TIMM23: variants seen among roughly 807,000 people sequenced by gnomAD.
TIMM23 encodes translocase of inner mitochondrial membrane 23.
TIMM23 carries 19 observed loss-of-function variants against 30.7 expected under a neutral mutation model. That is an observed-to-expected ratio of 0.62 (90% CI 0.43 to 0.91). TIMM23 has a LOEUF of 0.91. TIMM23 is among the 40% of genes least tolerant of loss of function. TIMM23 has a pLI of 0.00. For missense variants in TIMM23, 202 were observed against 269.2 expected (o/e 0.75, Z 1.75); for synonymous variants, 78 against 98.5 (o/e 0.79, Z 1.23).
intron 6 of TIMM23, chr10:46,002,220 G>C (rs1554917786): frequency 6.6e-6 from 1 of 151,856 alleles, no homozygotes; most frequent in Non-Finnish European, 1.5e-5. Flanking sequence ...CTGTCACCCA[G>C]GCTGGAGTGC....
chr10:45,992,055 C>T (rs1838180135), intron 6 of TIMM23, among the ~76,000 whole-genome samples: 1 of 151,828 alleles, frequency 6.6e-6, no homozygotes, highest in South Asian at 2.1e-4. Context: ...CAGCCTTGAA[C>T]TCCTGGGCTC....
Position 45,994,244 on chromosome 10 carries a change from G to C in TIMM23, c.514+5397G>C, listed in dbSNP as rs1244918741. On this transcript the variant is annotated intron_variant, in intron 6 of 6. Transcript: ENST00000580018. ...ATCCCAGCTACTTGGGAGGCTGAGAGAGGAGAATCACTTGAACCCAGGAGA... is the reference window on the plus strand; with the variant it reads ...ATCCCAGCTACTTGGGAGGCTGAGACAGGAGAATCACTTGAACCCAGGAGA... Among the ~76,000 whole-genome samples, 3 of 152,124 alleles carry C rather than the reference G, an allele frequency of 2.0e-5. No homozygotes were observed. The East Asian group carries it at 5.9e-4, about 30-fold the overall frequency.
chr10:45,973,754 C>T (rs1480636762), intron 1 of TIMM23, among the ~76,000 whole-genome samples: 2 of 152,024 alleles, frequency 1.3e-5, no homozygotes, highest in Non-Finnish European at 2.9e-5. Context: ...AACAATCCTC[C>T]CCTCTAAGCC....
intron 6 of TIMM23, chr10:46,002,535 C>T (rs1838576399): frequency 1.0e-6 from 1 of 978,190 alleles, no homozygotes; most frequent in Non-Finnish European, 1.2e-6. Context: ...AATACTCTTT[C>T]CAAATAGGGT....
chr10:45,984,330 A>T (rs1380447152), intron 4 of TIMM23, among the ~76,000 whole-genome samples: 1 of 152,172 alleles, frequency 6.6e-6, no homozygotes, highest in Non-Finnish European at 1.5e-5. Context: ...TTAAATACAA[A>T]TTTGGAAGTA....
At chr10:45,995,872 T>C (rs1190861486) in intron 6 of TIMM23, among the ~76,000 whole-genome samples, 1 of 138,124 alleles carries the variant, frequency 7.2e-6, no homozygotes, top group African/African-American at 2.8e-5. Flanking sequence ...ACTTAGATTT[T>C]ACAATCCTTT....
intron 2 of TIMM23, 65 bp downstream of exon 2, chr10:45,975,577 A>G (rs1422679371): frequency 9.4e-6 from 15 of 1,600,880 alleles, no homozygotes; most frequent in Admixed American, 6.8e-5. Context: ...GCCAAGTGCT[A>G]TGCTGACTTG....
At chr10:45,979,699 T>C (rs1239908920) in intron 2 of TIMM23, among the ~76,000 whole-genome samples, 5 of 150,116 alleles carry the variant, frequency 3.3e-5, no homozygotes, top group African/African-American at 4.9e-5. Flanking sequence ...AGCTGCTGCA[T>C]TTCTTGTTTG....
chr10:45,998,982 G>C (rs1590132164), intron 6 of TIMM23, among the ~76,000 whole-genome samples: 3 of 151,810 alleles, frequency 2.0e-5, no homozygotes, highest in Admixed American at 2.0e-4. Context: ...ACAGGTGCCT[G>C]CCACCACACC....
chr10:45,996,816 T>C lies in TIMM23; in HGVS notation c.515-6387T>C, dbSNP rs1554916784. ...GGTGAAACCCTGTCTATACAAAAAA[T>C]TAGCCGGGCTTGGTGGTGGGCACCT... On this transcript the variant is annotated intron_variant, in intron 6 of 6. Coordinates refer to ENST00000580018, the MANE Select transcript of TIMM23 (RefSeq NM_006327.4). Among the ~76,000 whole-genome samples, 231 of 151,770 alleles carry C rather than the reference T, an allele frequency of 1.5e-3. 3 individuals carry two copies. The highest frequency in any genetic ancestry group is 5.4e-3 in the African/African-American group (221 of 41,206).
chr10:45,973,711 ATAGTTCAC>A (rs1425948392), intron 1 of TIMM23, among the ~76,000 whole-genome samples: 2 of 152,078 alleles, frequency 1.3e-5, no homozygotes, highest in Admixed American at 1.3e-4. Flanking sequence ...TGGCATGATT[ATAGTTCAC>A]TGAAGCCTCG....
At position 45,975,551 on chromosome 10, in the gene TIMM23, C is replaced by T. The variant is rs1554912895; in HGVS notation, c.165+39C>T. 13 of 1,611,312 alleles carry T rather than the reference C, an allele frequency of 8.1e-6. No homozygotes were observed. The East Asian group carries it at 2.9e-4, about 36-fold the overall frequency. On this transcript the variant is annotated intron_variant, in intron 2 of 6. Coordinates refer to ENST00000580018, the MANE Select transcript of TIMM23 (RefSeq NM_006327.4). ...TTTACTAGTTTGGTGCATTATTTTACCATTTTAAAAAAAACGCCAAGTGCT... is the reference window on the plus strand; with the variant it reads ...TTTACTAGTTTGGTGCATTATTTTATCATTTTAAAAAAAACGCCAAGTGCT...
intron 1 of TIMM23, among the ~76,000 whole-genome samples, chr10:45,974,239 A>T (rs1226238915): frequency 6.6e-6 from 1 of 152,076 alleles, no homozygotes. Flanking sequence ...ACCAACAAAC[A>T]TAAATTAAAA....
chr10:45,982,497 C>G (rs1482733824), intron 2 of TIMM23, 26 bp from the exon 3 acceptor site: 155 of 1,611,692 alleles, frequency 9.6e-5, no homozygotes, highest in Middle Eastern at 1.6e-4. Flanking sequence ...GGACACTCAG[C>G]TTGGTTTTCA....
chr10:45,972,835 A>T, intron 1 of TIMM23, 105 bp downstream of exon 1: 1 of 1,542,626 alleles, frequency 6.5e-7, no homozygotes, highest in Non-Finnish European at 8.7e-7. Context: ...CCTTGCTGGC[A>T]TTTACAAGCT....
At chr10:45,983,729 C>T (rs1331291595) in intron 4 of TIMM23, among the ~76,000 whole-genome samples, 7 of 152,278 alleles carry the variant, frequency 4.6e-5, no homozygotes, top group East Asian at 1.9e-4. Context: ...CCATGGGAAA[C>T]TGGAAGGCCT....
At chr10:45,980,607 G>GGCTTTTCTTT in intron 2 of TIMM23, among the ~76,000 whole-genome samples, 1 of 151,676 alleles carries the variant, frequency 6.6e-6, no homozygotes, top group African/African-American at 2.4e-5. Context: ...AATTAAAAAA[G>GGCTTTTCTTT]TTTTTTCTTT....
chr10:45,974,871 G>A (rs1554912652), intron 1 of TIMM23, among the ~76,000 whole-genome samples: 2 of 152,006 alleles, frequency 1.3e-5, no homozygotes, highest in East Asian at 1.9e-4. Context: ...TGTTTTCAAT[G>A]TTAGTGAATT....
chr10:45,982,397 G>A (rs2132254494), intron 2 of TIMM23, 126 bp from the exon 3 acceptor site: 2 of 865,920 alleles, frequency 2.3e-6, no homozygotes, highest in East Asian at 5.3e-5. Context: ...TTTTGTTTAA[G>A]TATAGGTTTG....
Sources: allele counts gnomAD v4.1 joint callset (sites outside exome capture counted in the v4.1 genomes callset), GRCh38; gene constraint gnomAD v4.1.1; transcripts MANE v1.5; gene names NCBI Gene and HGNC (gene_info 2026-07-23, HGNC 2026-07-21).